CNTNAP2: variants seen among roughly 807,000 people sequenced by gnomAD.
CNTNAP2 encodes contactin-associated protein-like 2.
CNTNAP2 carries 98 observed loss-of-function variants against 155.2 expected under a neutral mutation model. The observed-to-expected ratio is 0.63, with a 90% confidence interval of 0.54 to 0.75. CNTNAP2 has a LOEUF of 0.75. Ranked by LOEUF, CNTNAP2 falls within the 30% of genes least tolerant of loss-of-function variation. The pLI, the probability that CNTNAP2 is intolerant of heterozygous loss-of-function variation, is 0.00. For missense variants in CNTNAP2, 1,727 were observed against 1,688.1 expected (o/e 1.02, Z -0.40); for synonymous variants, 651 against 631.2 (o/e 1.03, Z -0.47).
At chr7:147,334,847 C>A (rs565020694) in intron 9 of CNTNAP2, among the ~76,000 whole-genome samples, 1 of 152,270 alleles carries the variant, frequency 6.6e-6, no homozygotes, top group East Asian at 1.9e-4. Context: ...AACAAAGATA[C>A]ATATAGGGAT....
At chr7:147,140,523 C>T in intron 8 of CNTNAP2, among the ~76,000 whole-genome samples, 1 of 152,060 alleles carries the variant, frequency 6.6e-6, no homozygotes. Flanking sequence ...TAACTACCTC[C>T]CAATCTCAAC....
At chr7:146,747,923 G>A (rs531689708) in intron 1 of CNTNAP2, among the ~76,000 whole-genome samples, 2 of 152,004 alleles carry the variant, frequency 1.3e-5, no homozygotes, top group South Asian at 4.1e-4. Flanking sequence ...CAATATGATT[G>A]AATATTAAAT....
Position 148,309,003 on chromosome 7 carries a change from TC to T in CNTNAP2, c.3475+41878del, listed in dbSNP as rs1210410568. 7.2e-5 allele frequency among the ~76,000 whole-genome samples: 11 copies of T among 152,350 alleles called. 1 individual carries two copies. The highest frequency in any genetic ancestry group is 2.6e-4 in the African/African-American group (11 of 41,584). On this transcript the variant is annotated intron_variant, in intron 21 of 23. Transcript: ENST00000361727. ...GATGGGCATTTGGGTTGGTTCCAAC[TC>T]TTTGCTATTGTGAATAGTGCCGCAA...
chr7:147,423,765 C>G (rs1259057580), intron 10 of CNTNAP2, among the ~76,000 whole-genome samples: 1 of 152,150 alleles, frequency 6.6e-6, no homozygotes, highest in Non-Finnish European at 1.5e-5. Flanking sequence ...TTAACTACAA[C>G]TACTCCATAA....
At chr7:147,747,689 G>C (rs1797068383) in intron 13 of CNTNAP2, among the ~76,000 whole-genome samples, 2 of 152,118 alleles carry the variant, frequency 1.3e-5, no homozygotes, top group Non-Finnish European at 2.9e-5. Context: ...TTCCATAATG[G>C]CTGTACTACT....
intron 14 of CNTNAP2, among the ~76,000 whole-genome samples, chr7:147,949,458 A>ATATATATATCTATATT (rs1433579404): frequency 7.3e-6 from 1 of 137,390 alleles, no homozygotes; most frequent in Non-Finnish European, 1.6e-5. Flanking sequence ...ATATATATAT[A>ATATATATATCTATATT]TTTTTTTTTT....
At chr7:146,130,474 A>G (rs1190416236) in intron 1 of CNTNAP2, among the ~76,000 whole-genome samples, 1 of 152,192 alleles carries the variant, frequency 6.6e-6, no homozygotes, top group Non-Finnish European at 1.5e-5. Flanking sequence ...TCTGCCTCTT[A>G]ATAATTTTTT....
intron 1 of CNTNAP2, among the ~76,000 whole-genome samples, chr7:146,234,911 A>G (rs1327398350): frequency 6.6e-6 from 1 of 152,190 alleles, no homozygotes; most frequent in Non-Finnish European, 1.5e-5. Flanking sequence ...CCTATTTGGC[A>G]TGTCTGTGAT....
At position 146,673,410 on chromosome 7, in the gene CNTNAP2, G is replaced by A. The variant is rs549972091; in HGVS notation, c.98-100861G>A. ...TATATATAATAGTTATGCCAGAAACGAAACAGAAATGTTGAATTAAGTTTA... is the reference window on the plus strand; with the variant it reads ...TATATATAATAGTTATGCCAGAAACAAAACAGAAATGTTGAATTAAGTTTA... On this transcript the variant is annotated intron_variant, in intron 1 of 23. Coordinates refer to ENST00000361727, the MANE Select transcript of CNTNAP2 (RefSeq NM_014141.6). Among the ~76,000 whole-genome samples the A allele has an allele frequency of 5.3e-5, 8 of 152,278 alleles. No homozygotes were observed. In the East Asian group the frequency reaches 1.5e-3, roughly 29 times the overall value.
At chr7:147,686,839 G>C (rs975135861) in intron 13 of CNTNAP2, among the ~76,000 whole-genome samples, 2 of 150,944 alleles carry the variant, frequency 1.3e-5, no homozygotes, top group African/African-American at 2.4e-5. Context: ...AAGGACAGTA[G>C]ATAGAGAGGG....
chr7:147,945,862 C>CT (rs1800811841), intron 14 of CNTNAP2, among the ~76,000 whole-genome samples: 8 of 118,894 alleles, frequency 6.7e-5, no homozygotes, highest in Non-Finnish European at 9.5e-5. Flanking sequence ...CTTTTTTTTT[C>CT]TTTTTCTTTT....
intron 1 of CNTNAP2, among the ~76,000 whole-genome samples, chr7:146,504,335 TG>T (rs199684594): frequency 6.6e-6 from 1 of 152,190 alleles, no homozygotes. Flanking sequence ...ACCATGTCTA[TG>T]GGGGGTCATC....
chr7:146,307,905 C>T (rs1024453666), intron 1 of CNTNAP2, among the ~76,000 whole-genome samples: 12 of 152,106 alleles, frequency 7.9e-5, no homozygotes, highest in African/African-American at 2.6e-4. Flanking sequence ...ACCATTCAGG[C>T]CATAGGCATG....
At chr7:146,266,036 A>C (rs2129082507) in intron 1 of CNTNAP2, among the ~76,000 whole-genome samples, 1 of 152,238 alleles carries the variant, frequency 6.6e-6, no homozygotes, top group Middle Eastern at 3.4e-3. Flanking sequence ...TGATACACAT[A>C]TTATCAAAGT....
chr7:147,757,315 A>G (rs1461201952), intron 13 of CNTNAP2, among the ~76,000 whole-genome samples: 1 of 152,212 alleles, frequency 6.6e-6, no homozygotes, highest in Non-Finnish European at 1.5e-5. Flanking sequence ...CTCATTTTAA[A>G]GAACGCTTTT....
intron 3 of CNTNAP2, among the ~76,000 whole-genome samples, chr7:146,856,297 G>GATAGATACATACATACATAC (rs869052895): frequency 8.6e-6 from 1 of 116,652 alleles, no homozygotes; most frequent in African/African-American, 3.3e-5. Context: ...TAGATAGATA[G>GATAGATACATACATACATAC]ATACATACAT....
At chr7:147,787,276 C>T (rs1196670162) in intron 13 of CNTNAP2, among the ~76,000 whole-genome samples, 1 of 152,180 alleles carries the variant, frequency 6.6e-6, no homozygotes, top group Non-Finnish European at 1.5e-5. Context: ...CCAGGAGTCC[C>T]AGGCAATTTG....
chr7:147,499,628 C>A (rs73162067), intron 11 of CNTNAP2, among the ~76,000 whole-genome samples: 43,600 of 152,034 alleles, frequency 0.29, 6,382 homozygotes, highest in East Asian at 0.43. Flanking sequence ...CTGCAACCAC[C>A]CCAATTTCCC....
At chr7:148,123,643 G>GGAAC (rs1804648458) in intron 16 of CNTNAP2, among the ~76,000 whole-genome samples, 2 of 116,612 alleles carry the variant, frequency 1.7e-5, no homozygotes, top group African/African-American at 6.9e-5. Flanking sequence ...CAGGAAGGAA[G>GGAAC]GAAGGAAGGA....
Sources: allele counts gnomAD v4.1 joint callset (sites outside exome capture counted in the v4.1 genomes callset), GRCh38; gene constraint gnomAD v4.1.1; transcripts MANE v1.5; gene names NCBI Gene and HGNC (gene_info 2026-07-23, HGNC 2026-07-21).